EML6: variants seen among roughly 807,000 people sequenced by gnomAD.
EML6 encodes the protein EMAP like 6, also known as echinoderm microtubule-associated protein-like 6.
A neutral mutation model predicts 240.1 loss-of-function variants in EML6; 154 were observed. The observed-to-expected ratio is 0.64, with a 90% CI of 0.56 to 0.73. EML6 has a LOEUF of 0.73. Among genes scored for constraint, EML6 ranks in the 30% least tolerant of loss-of-function variants. The pLI, the probability that EML6 is intolerant of heterozygous loss-of-function variation, is 0.00. For missense variants in EML6, 2,964 were observed against 2,474.6 expected (o/e 1.20, Z -4.20); for synonymous variants, 1,148 against 899.0 (o/e 1.28, Z -4.95).
intron 25 of EML6, 35 bp from the exon 26 acceptor site, chr2:54,916,724 G>A: frequency 6.9e-6 from 10 of 1,456,310 alleles, no homozygotes; most frequent in Non-Finnish European, 9.2e-6. Context: ...AAACTAGGTT[G>A]TGCAAAAATA....
intron 7 of EML6, among the ~76,000 whole-genome samples, chr2:54,833,718 G>T (rs957333844): frequency 6.6e-6 from 1 of 152,198 alleles, no homozygotes; most frequent in African/African-American, 2.4e-5. Flanking sequence ...GGTGACTTGT[G>T]CATCTTTTGT....
chr2:54,946,413 AAGTG>A (rs1675696600), intron 28 of EML6, among the ~76,000 whole-genome samples: 1 of 152,066 alleles, frequency 6.6e-6, no homozygotes, highest in Non-Finnish European at 1.5e-5. Flanking sequence ...ATTGGACTGA[AAGTG>A]AGTGAATGTC....
At chr2:54,800,646 TC>T (rs1670085739) in intron 2 of EML6, among the ~76,000 whole-genome samples, 1 of 152,110 alleles carries the variant, frequency 6.6e-6, no homozygotes. Context: ...CAGCTTCCAT[TC>T]CTTGCACCTG....
intron 26 of EML6, among the ~76,000 whole-genome samples, chr2:54,921,181 T>A (rs937578854): frequency 6.6e-6 from 1 of 152,096 alleles, no homozygotes. Flanking sequence ...TCTCTATTTA[T>A]GTACAACATG....
chr2:54,966,237 T>A (rs1230633816), intron 38 of EML6, among the ~76,000 whole-genome samples: 1 of 152,254 alleles, frequency 6.6e-6, no homozygotes, highest in African/African-American at 2.4e-5. Flanking sequence ...TTAGATGCAC[T>A]TCCTCTCAGC....
At chr2:54,961,091 G>A (rs1402154537) in intron 35 of EML6, among the ~76,000 whole-genome samples, 6 of 150,148 alleles carry the variant, frequency 4.0e-5, no homozygotes, top group Non-Finnish European at 8.9e-5. Flanking sequence ...TGGGGATTTT[G>A]TTCTTAAATA....
At chr2:54,759,906 A>G (rs557272473) in intron 2 of EML6, among the ~76,000 whole-genome samples, 75 of 150,174 alleles carry the variant, frequency 5.0e-4, no homozygotes, top group South Asian at 6.3e-4. Context: ...TACATATAAT[A>G]TATATTTATA....
chr2:54,858,732 T>G (rs1670520776), intron 11 of EML6, among the ~76,000 whole-genome samples: 1 of 152,240 alleles, frequency 6.6e-6, no homozygotes, highest in South Asian at 2.1e-4. Flanking sequence ...TTCACCTTCT[T>G]ACAAATCATT....
chr2:54,857,447 G>A (rs1051789287), intron 11 of EML6, among the ~76,000 whole-genome samples: 1 of 152,164 alleles, frequency 6.6e-6, no homozygotes, highest in Non-Finnish European at 1.5e-5. Flanking sequence ...AGAAGTGTTC[G>A]TTAAATGCTG....
chr2:54,946,898 C>G (rs1267507282), intron 28 of EML6, among the ~76,000 whole-genome samples: 2 of 151,576 alleles, frequency 1.3e-5, no homozygotes, highest in Non-Finnish European at 2.9e-5. Context: ...ATTGCTTTAC[C>G]TTTCGGTTTT....
At position 54,829,543 on chromosome 2, in the gene EML6, T is replaced by C. The variant is rs79000227; in HGVS notation, c.847+66T>C. ...AATATAATGTGAAGTTCTGTATTCA[T>C]ATTTGTTTCTCTGTACCCCATTTTA... On this transcript the variant is annotated intron_variant, in intron 7 of 41. Coordinates refer to ENST00000356458, the MANE Select transcript of EML6 (RefSeq NM_001039753.4). 1.3e-3 allele frequency: 1,656 copies of C among 1,324,510 alleles called. 12 individuals carry two copies. The African/African-American group carries it at 0.019, about 15-fold the overall frequency. The allele number at this position is 1,324,510 out of a possible 1,614,324, so 82.0% of individuals were successfully genotyped here. A position where few individuals can be genotyped will look rare whatever the true frequency, so the allele number is the denominator to read the frequency against.
chr2:54,892,740 T>A, intron 19 of EML6, 84 bp downstream of exon 19: 1 of 1,066,742 alleles, frequency 9.4e-7, no homozygotes, highest in Admixed American at 2.5e-5. Flanking sequence ...AGAGGATGCC[T>A]GTATCTAAAA....
At chr2:54,865,262 G>A (rs1670908644) in intron 13 of EML6, among the ~76,000 whole-genome samples, 1 of 151,228 alleles carries the variant, frequency 6.6e-6, no homozygotes, top group African/African-American at 2.4e-5. Flanking sequence ...GACAAAGTGG[G>A]AGCATCACTT....
intron 7 of EML6, among the ~76,000 whole-genome samples, chr2:54,829,717 C>T (rs1668773762): frequency 6.6e-6 from 1 of 152,162 alleles, no homozygotes; most frequent in Non-Finnish European, 1.5e-5. Flanking sequence ...GCTGAGGTTT[C>T]TTAGGAGATG....
intron 2 of EML6, among the ~76,000 whole-genome samples, chr2:54,790,614 G>A (rs753559610): frequency 6.6e-6 from 1 of 151,768 alleles, no homozygotes; most frequent in Non-Finnish European, 1.5e-5. Flanking sequence ...GCAAGAAACT[G>A]GTTATATTTT....
chr2:54,833,471 T>C (rs1450473680), intron 7 of EML6, among the ~76,000 whole-genome samples: 1 of 152,216 alleles, frequency 6.6e-6, no homozygotes, highest in African/African-American at 2.4e-5. Context: ...TTTTACATCT[T>C]TGTAGTAGCT....
rs1208342268 is a variant in EML6 at position 54,844,071 on chromosome 2, G to T, written c.872G>T (p.Trp291Leu). Residue 291 changes from tryptophan (W) to leucine (L), a missense_variant, in exon 8 of 42, where the codon TGG (tryptophan) becomes TTG (leucine). Coordinates refer to ENST00000356458, the MANE Select transcript of EML6 (RefSeq NM_001039753.4). ...YKGLSIRSVC[W>L]KADRLLAGTQ... ...GGCCTCTCTATCCGGAGCGTGTGCTGGAAAGCAGACCGCCTTCTAGCAGGG... is the reference window on the plus strand; with the variant it reads ...GGCCTCTCTATCCGGAGCGTGTGCTTGAAAGCAGACCGCCTTCTAGCAGGG... The T allele has an allele frequency of 1.5e-5, 24 of 1,548,934 alleles. No homozygotes were observed. The highest frequency in any genetic ancestry group is 2.1e-5 in the Non-Finnish European group (24 of 1,145,560).
Position 54,913,767 on chromosome 2 carries a change from C to T in EML6, c.3498+2725C>T, listed in dbSNP as rs551142385. ...TCCAGAATGGTATTTCCTAGGTTTT[C>T]TTCTAGGATTCTTATAGTTTGAGGT... On this transcript the variant is annotated intron_variant, in intron 25 of 41. Transcript: ENST00000356458. Among the ~76,000 whole-genome samples, 7 of 152,270 alleles carry T rather than the reference C, an allele frequency of 4.6e-5. No homozygotes were observed. In the East Asian group the frequency reaches 1.3e-3, roughly 29 times the overall value.
Position 54,774,070 on chromosome 2 carries a change from G to T in EML6, c.198-39162G>T, listed in dbSNP as rs1008170407. The stretch of plus-strand genomic sequence containing the variant: ...CTGCTAAGAACACTTCCTGGAAGTT[G>T]CACACATGACTTCCATTTTCATCCC... On this transcript the variant is annotated intron_variant, in intron 2 of 41. Coordinates refer to ENST00000356458, the MANE Select transcript of EML6 (RefSeq NM_001039753.4). The surrounding 1 kb of genome is among the most constrained non-coding windows in gnomAD (Gnocchi z 4.1). 6.6e-6 allele frequency among the ~76,000 whole-genome samples: 1 copy of T among 152,214 alleles called. No homozygotes were observed. The highest frequency in any genetic ancestry group is 2.4e-5 in the African/African-American group (1 of 41,448).
Sources: allele counts gnomAD v4.1 joint callset (sites outside exome capture counted in the v4.1 genomes callset), GRCh38; gene constraint gnomAD v4.1.1; non-coding constraint Gnocchi (gnomAD v3.1); transcripts MANE v1.5; gene names NCBI Gene and HGNC (gene_info 2026-07-23, HGNC 2026-07-21).